The following NRXN1 variants were observed in gnomAD, a reference collection of about 807,000 sequenced individuals.
NRXN1 encodes the protein neurexin-1.
In NRXN1, 39 loss-of-function variants were observed where a neutral mutation model predicts 150.9. The ratio of observed to expected loss-of-function variants is 0.26; its 90% CI spans 0.20 to 0.34. The LOEUF is 0.34. Among genes scored for constraint, NRXN1 ranks in the 10% least tolerant of loss-of-function variants. The pLI is 1.00. For missense variants in NRXN1, 1,815 were observed against 1,949.9 expected (o/e 0.93, Z 1.30); for synonymous variants, 924 against 757.0 (o/e 1.22, Z -3.62).
intron 17 of NRXN1, among the ~76,000 whole-genome samples, chr2:50,246,340 T>C (rs1477894116): frequency 2.0e-5 from 3 of 152,028 alleles, no homozygotes; most frequent in Non-Finnish European, 2.9e-5. Context: ...TCCTTAGCAA[T>C]GGAATTAAAT....
chr2:50,158,212 C>A (rs1190346327), intron 18 of NRXN1, among the ~76,000 whole-genome samples: 1 of 151,430 alleles, frequency 6.6e-6, no homozygotes, highest in African/African-American at 2.4e-5. Context: ...GAATCCACAT[C>A]ATTGATAGAT....
chr2:51,003,023 G>A (rs538839972), intron 2 of NRXN1, among the ~76,000 whole-genome samples: 9 of 151,844 alleles, frequency 5.9e-5, no homozygotes, highest in Non-Finnish European at 1.0e-4. Context: ...CCAACTGAAA[G>A]AACTGGTGAA....
At chr2:50,898,516 T>A (rs1335246056) in intron 5 of NRXN1, 2 of 406,298 alleles carry the variant, frequency 4.9e-6, no homozygotes, top group East Asian at 7.3e-5. Context: ...CACATTTTTA[T>A]GAAATGTCAA....
intron 17 of NRXN1, among the ~76,000 whole-genome samples, chr2:50,320,446 T>C (rs1558519395): frequency 6.6e-6 from 1 of 150,774 alleles, no homozygotes; most frequent in Non-Finnish European, 1.5e-5. Flanking sequence ...AATGTATACA[T>C]TTAAAGAGAA....
intron 2 of NRXN1, among the ~76,000 whole-genome samples, chr2:50,953,224 T>C (rs933666032): frequency 6.6e-6 from 1 of 152,208 alleles, no homozygotes; most frequent in African/African-American, 2.4e-5. Context: ...CATTTATTAT[T>C]GTAACCTTAG....
chr2:50,602,583 T>G (rs962800995), intron 8 of NRXN1, among the ~76,000 whole-genome samples: 17 of 151,916 alleles, frequency 1.1e-4, no homozygotes, highest in African/African-American at 4.1e-4. Flanking sequence ...CAAAAGGAAG[T>G]TTCCTTCCTT....
intron 5 of NRXN1, among the ~76,000 whole-genome samples, chr2:50,704,793 A>C (rs1489984265): frequency 6.6e-6 from 1 of 152,042 alleles, no homozygotes; most frequent in East Asian, 1.9e-4. Flanking sequence ...AAGAAATAAG[A>C]AAATATTGGC....
intron 5 of NRXN1, among the ~76,000 whole-genome samples, chr2:50,709,898 A>G (rs12618157): frequency 0.54 from 82,077 of 152,000 alleles, 22,406 homozygotes; most frequent in East Asian, 0.75. Context: ...AATTAGAATG[A>G]AGGTCCTTTA....
intron 5 of NRXN1, among the ~76,000 whole-genome samples, chr2:50,823,056 T>C (rs1464141628): frequency 6.6e-6 from 1 of 151,882 alleles, no homozygotes; most frequent in Non-Finnish European, 1.5e-5. Context: ...CAATGTGCAC[T>C]TGCACCCTGG....
At chr2:50,319,891 C>G (rs779437435) in intron 17 of NRXN1, among the ~76,000 whole-genome samples, 114 of 152,070 alleles carry the variant, frequency 7.5e-4, no homozygotes, top group Middle Eastern at 3.2e-3. Context: ...CTATTCTTGC[C>G]TCCTCCAGTT....
At chr2:50,603,288 GA>G (rs1480872101) in intron 8 of NRXN1, among the ~76,000 whole-genome samples, 5 of 152,238 alleles carry the variant, frequency 3.3e-5, no homozygotes, top group Non-Finnish European at 7.4e-5. Flanking sequence ...CTGTTTGATG[GA>G]AACCTGTAAA....
chr2:50,440,848 TC>T, intron 17 of NRXN1, among the ~76,000 whole-genome samples: 1 of 152,306 alleles, frequency 6.6e-6, no homozygotes, highest in Non-Finnish European at 1.5e-5. Context: ...TTCTATCTGA[TC>T]AAATGAAAAT....
chr2:50,455,553 C>G (rs923402378), intron 17 of NRXN1, among the ~76,000 whole-genome samples: 1 of 152,174 alleles, frequency 6.6e-6, no homozygotes, highest in African/African-American at 2.4e-5. Flanking sequence ...ATGTGCCTGA[C>G]ACACCAAAAT....
At chr2:50,776,474 C>T (rs1703650363) in intron 5 of NRXN1, among the ~76,000 whole-genome samples, 1 of 151,804 alleles carries the variant, frequency 6.6e-6, no homozygotes, top group Admixed American at 6.6e-5. Context: ...TTGCAATAAC[C>T]TTTTGAGGCA....
At chr2:50,795,984 A>C (rs554378982) in intron 5 of NRXN1, among the ~76,000 whole-genome samples, 2 of 152,238 alleles carry the variant, frequency 1.3e-5, no homozygotes, top group African/African-American at 2.4e-5. Context: ...TTCACAAGAA[A>C]TCTAATTAGT....
intron 17 of NRXN1, 47 bp downstream of exon 17, chr2:50,465,395 A>T: frequency 6.5e-7 from 1 of 1,536,350 alleles, no homozygotes; most frequent in Non-Finnish European, 8.8e-7. Flanking sequence ...TCAAACAGTA[A>T]CTGGAAGCAA....
At position 49,920,884 on chromosome 2, in the gene NRXN1, A is replaced by C. The variant is rs201424016; in HGVS notation, c.*1060T>G. On this transcript the variant is annotated 3_prime_UTR_variant, in exon 23 of 23. Transcript: ENST00000401669. ...TTGCAACAGAATGAAGGCTGTACAT[A>C]TAAGAAAAGAAGTAGCTGAGTCTTT... is the stretch of plus-strand genomic sequence containing the variant. 1 of 152,656 alleles carries C rather than the reference A, an allele frequency of 6.6e-6. No homozygotes were observed. The highest frequency in any genetic ancestry group is 1.5e-5 in the Non-Finnish European group (1 of 68,036). 9.5% of individuals were successfully genotyped at this position (152,656 alleles called of 1,614,324 possible).
rs565135219 is a variant in NRXN1, at chr2:50,615,968, G to A, written c.1320+4054C>T. The A allele has an allele frequency of 2.6e-5, 4 of 152,176 alleles. No homozygotes were observed. The South Asian group carries it at 6.2e-4, about 24-fold the overall frequency. 9.4% of individuals were successfully genotyped at this position (152,176 alleles called of 1,614,324 possible). ...CAAGTATTTCTGTCAAAACAGTGTT[G>A]CCTTTGCAAAAATCAGATTTAGAAA... On this transcript the variant is annotated intron_variant, in intron 8 of 22. Coordinates refer to ENST00000401669, the MANE Select transcript of NRXN1 (RefSeq NM_001330078.2).
intron 18 of NRXN1, among the ~76,000 whole-genome samples, chr2:50,180,217 G>A (rs1408462349): frequency 6.6e-6 from 1 of 151,880 alleles, no homozygotes; most frequent in Non-Finnish European, 1.5e-5. Flanking sequence ...TAGAGACACG[G>A]TCTTGCTGTG....
Sources: allele counts gnomAD v4.1 joint callset (sites outside exome capture counted in the v4.1 genomes callset), GRCh38; gene constraint gnomAD v4.1.1; transcripts MANE v1.5; gene names NCBI Gene and HGNC (gene_info 2026-07-23, HGNC 2026-07-21).